Variants in PCDHGA3 observed in about 807,000 individuals in gnomAD.
PCDHGA3 encodes protocadherin gamma-A3.
In PCDHGA3, 40 loss-of-function variants were observed where a neutral mutation model predicts 58.5. The observed-to-expected ratio is 0.68, with a 90% CI of 0.53 to 0.89. The LOEUF (loss-of-function observed/expected upper bound fraction) is 0.89. Ranked by LOEUF, PCDHGA3 falls within the 40% of genes least tolerant of loss-of-function variation. The probability of loss-of-function intolerance (pLI) is 0.00; values close to 1 mark genes in which losing one functional copy is unlikely to be tolerated. For synonymous variants in PCDHGA3, 530 were observed against 525.7 expected (o/e 1.01, Z -0.11); for missense variants, 1,223 against 1,195.9 (o/e 1.02, Z -0.33).
chr5:141,443,781 CA>C (rs1227271563), intron 1 of PCDHGA3, among the ~76,000 whole-genome samples: 2 of 150,514 alleles, frequency 1.3e-5, no homozygotes, highest in African/African-American at 2.4e-5. Flanking sequence ...ACCAAAAAGA[CA>C]AAAAAAATGA....
intron 1 of PCDHGA3, chr5:141,441,502 T>G (rs2098250414): frequency 5.8e-6 from 1 of 173,754 alleles, no homozygotes; most frequent in African/African-American, 2.4e-5. Context: ...CTACCAGGCC[T>G]CCTACGTCGT....
At chr5:141,384,225 G>A (rs757132379) in intron 1 of PCDHGA3, 1 of 1,613,856 alleles carries the variant, frequency 6.2e-7, no homozygotes, top group Non-Finnish European at 8.5e-7. Context: ...TCATGCAGGT[G>A]GCAGACACCA....
At chr5:141,506,247 G>A (rs113270457) in intron 3 of PCDHGA3, among the ~76,000 whole-genome samples, 8,033 of 152,078 alleles carry the variant, frequency 0.053, 470 homozygotes, top group African/African-American at 0.14. Flanking sequence ...TCAGGAGTTC[G>A]AAACCGGCCT....
At chr5:141,484,621 T>C (rs2099598239) in intron 1 of PCDHGA3, among the ~76,000 whole-genome samples, 1 of 152,058 alleles carries the variant, frequency 6.6e-6, no homozygotes, top group Admixed American at 6.6e-5. Flanking sequence ...CAACACTGGC[T>C]TGAACAAAGT....
chr5:141,352,691 T>C (rs1268868403), intron 1 of PCDHGA3: 1 of 1,558,116 alleles, frequency 6.4e-7, no homozygotes, highest in East Asian at 2.4e-5. Flanking sequence ...CAAATCTAGT[T>C]AAATTTTATA....
intron 1 of PCDHGA3, chr5:141,478,144 G>A (rs2099432883): frequency 6.2e-7 from 1 of 1,613,918 alleles, no homozygotes; most frequent in Non-Finnish European, 8.5e-7. Flanking sequence ...CCCGAGCCGA[G>A]TTCCCCTCTG....
At position 141,403,235 on chromosome 5, in the gene PCDHGA3, C is replaced by T. The variant is rs757212212; in HGVS notation, c.2424+56778C>T. The T allele has an allele frequency of 2.9e-5, 47 of 1,613,842 alleles. No individual in the cohort carries two copies. In the Admixed American group the frequency reaches 7.7e-4, roughly 26 times the overall value. ...CGCGGGTAGGATAGACCGGGAGGAGCTCTGTGCTCAGAGCCCGCGGTGTCT... is the reference window on the plus strand; with the variant it reads ...CGCGGGTAGGATAGACCGGGAGGAGTTCTGTGCTCAGAGCCCGCGGTGTCT... On this transcript the variant is annotated intron_variant, in intron 1 of 3. Transcript: ENST00000253812.
intron 1 of PCDHGA3, chr5:141,365,479 A>C: frequency 6.2e-7 from 1 of 1,614,024 alleles, no homozygotes; most frequent in African/African-American, 1.3e-5. Context: ...GTGAGATTGC[A>C]TGCTCTATTC....
Position 141,344,584 on chromosome 5 carries a change from G to C in PCDHGA3, c.551G>C (p.Ser184Thr), listed in dbSNP as rs781452806. ...PNDYFSLAVN[S>T]VSEGAKYPEL... ...GACTACTTCTCTCTGGCTGTGAATA[G>C]CGTCTCTGAGGGGGCCAAGTATCCA... Residue 184 changes from serine (S) to threonine (T), a missense_variant, in exon 1 of 4, where the codon AGC (serine) becomes ACC (threonine). By Grantham distance (58) the Ser-to-Thr change is moderately conservative. This residue lies in a region of PCDHGA3 where 791 missense variants were observed against 708.5 expected (regional missense o/e 1.12). Transcript: ENST00000253812. 129 of 1,613,888 alleles carry C rather than the reference G, an allele frequency of 8.0e-5. No individual in the cohort carries two copies. The highest frequency in any genetic ancestry group is 1.0e-4 in the Non-Finnish European group (118 of 1,179,898).
chr5:141,394,926 C>T, intron 1 of PCDHGA3: 2 of 1,613,844 alleles, frequency 1.2e-6, no homozygotes, highest in Non-Finnish European at 1.7e-6. Context: ...CTGTGTCTTC[C>T]TCGCCTTTGT....
At chr5:141,399,183 T>A (rs777520935) in intron 1 of PCDHGA3, 4 of 1,613,764 alleles carry the variant, frequency 2.5e-6, no homozygotes, top group Non-Finnish European at 3.4e-6. Context: ...TTGAAATGAT[T>A]CTGGAAAACG....
At chr5:141,444,188 T>TTTTTTTTTTG (rs2098424052) in intron 1 of PCDHGA3, among the ~76,000 whole-genome samples, 1 of 129,374 alleles carries the variant, frequency 7.7e-6, no homozygotes, top group African/African-American at 3.1e-5. Flanking sequence ...TTTTTTTTTT[T>TTTTTTTTTTG]GAGATGGAGT....
intron 2 of PCDHGA3, among the ~76,000 whole-genome samples, chr5:141,498,555 C>T (rs2099784323): frequency 6.6e-6 from 1 of 152,032 alleles, no homozygotes; most frequent in South Asian, 2.1e-4. Flanking sequence ...GACACACCAG[C>T]TTCAAAGCAG....
rs143362044 is a variant in PCDHGA3, at chr5:141,511,092, C to T, written c.2718C>T (p.Asn906=). The T allele has an allele frequency of 4.5e-5, 73 of 1,614,088 alleles. No homozygotes were observed. Among genetic ancestry groups the T allele is most frequent in the Admixed American group, 1.5e-4 (9 of 60,012 alleles). ...YIPGSNATLT[N]AAGKRDGKAP... is the part of the protein sequence containing the mutation. ...CAGGCAGCAATGCCACACTGACCAA[C>T]GCAGCTGGCAAGCGGGATGGCAAGG... The change falls in exon 4 of 4, where the codon AAC becomes AAT. Residue 906 remains asparagine, a synonymous_variant. Coordinates refer to ENST00000253812, the MANE Select transcript of PCDHGA3 (RefSeq NM_018916.4).
chr5:141,357,739 C>A (rs1760721211), intron 1 of PCDHGA3: 1 of 1,286,180 alleles, frequency 7.8e-7, no homozygotes, highest in Non-Finnish European at 1.1e-6. Context: ...TATTTTATTG[C>A]TTTAAAGAAA....
At chr5:141,417,982 G>A (rs756382601) in intron 1 of PCDHGA3, 4 of 1,613,886 alleles carry the variant, frequency 2.5e-6, no homozygotes, top group Admixed American at 3.3e-5. Flanking sequence ...CGGAGGAGCT[G>A]GCCAAGGGCT....
intron 1 of PCDHGA3, chr5:141,419,333 A>T (rs1219255880): frequency 6.2e-7 from 1 of 1,613,804 alleles, no homozygotes; most frequent in South Asian, 1.1e-5. Context: ...CTACTCTCTC[A>T]TTGCCAGCGA....
chr5:141,376,611 C>G lies in PCDHGA3; in HGVS notation c.2424+30154C>G. 2.1e-6 allele frequency: 3 copies of G among 1,439,262 alleles called. No individual in the cohort carries two copies. The East Asian group carries it at 7.3e-5, about 35-fold the overall frequency. The allele number at this position is 1,439,262 out of a possible 1,614,324, so 89.2% of individuals were successfully genotyped here. A position where few individuals can be genotyped will look rare whatever the true frequency, so the allele number is the denominator to read the frequency against. On this transcript the variant is annotated intron_variant, in intron 1 of 3. Coordinates refer to ENST00000253812, the MANE Select transcript of PCDHGA3 (RefSeq NM_018916.4). ...GATCGGCTGTTATAGAAGCGAACCT[C>G]TTTTGGTACAGGAAGATTCGTGATT...
At chr5:141,496,329 C>T (rs1435070517) in intron 2 of PCDHGA3, among the ~76,000 whole-genome samples, 2 of 152,186 alleles carry the variant, frequency 1.3e-5, no homozygotes, top group South Asian at 4.1e-4. Context: ...AGTTAGAAGT[C>T]AGGAGCCTGG....
Sources: gnomAD v4.1 joint callset for allele counts (sites outside exome capture counted in the v4.1 genomes callset) on GRCh38, gnomAD v4.1.1 for gene constraint, gnomAD v4.1.1 regional missense constraint, MANE v1.5 for transcripts, NCBI Gene and HGNC (gene_info 2026-07-23, HGNC 2026-07-21) for gene names.